The following REDIC1 variants were observed in gnomAD, a reference collection of about 807,000 sequenced individuals.
REDIC1 encodes the protein regulator of DNA class I crossover intermediates 1.
chr12:39,721,093 G>C, the REDIC1 span: 1 of 1,613,742 alleles, frequency 6.2e-7, no homozygotes, highest in East Asian at 2.2e-5. Context: ...AACAGAGAGT[G>C]AATCTGTAAT....
At chr12:39,797,888 G>A in the REDIC1 span, among the ~76,000 whole-genome samples, 10 of 152,038 alleles carry the variant, frequency 6.6e-5, no homozygotes, top group Non-Finnish European at 1.0e-4. Context: ...TCTTCATTAG[G>A]GGCTGTGGGA....
At chr12:39,688,194 T>C in the REDIC1 span, among the ~76,000 whole-genome samples, 1 of 145,334 alleles carries the variant, frequency 6.9e-6, no homozygotes, top group African/African-American at 2.5e-5. Flanking sequence ...CTTTAAGAAG[T>C]CTTCATCTAG....
the REDIC1 span, among the ~76,000 whole-genome samples, chr12:39,699,178 A>G: frequency 6.6e-6 from 1 of 152,208 alleles, no homozygotes; most frequent in African/African-American, 2.4e-5. Flanking sequence ...CTGCATTTCC[A>G]TCTGAGGTAT....
chr12:39,866,016 C>T, the REDIC1 span, among the ~76,000 whole-genome samples: 1 of 152,064 alleles, frequency 6.6e-6, no homozygotes, highest in South Asian at 2.1e-4. Flanking sequence ...ACATGTACCC[C>T]TGAAATTAAA....
the REDIC1 span, among the ~76,000 whole-genome samples, chr12:39,715,992 G>C: frequency 6.6e-6 from 1 of 152,066 alleles, no homozygotes; most frequent in Non-Finnish European, 1.5e-5. Context: ...GTTCAGCTAA[G>C]TTCTCTCTGC....
At chr12:39,713,467 T>G in the REDIC1 span, among the ~76,000 whole-genome samples, 4 of 149,722 alleles carry the variant, frequency 2.7e-5, no homozygotes, top group African/African-American at 9.8e-5. Flanking sequence ...CATTTGTATA[T>G]ATACATGTAT....
At chr12:39,684,436 T>C in the REDIC1 span, 1 of 254,696 alleles carries the variant, frequency 3.9e-6, no homozygotes, top group Non-Finnish European at 6.2e-6. Flanking sequence ...AAAATATTGA[T>C]TGATAAAAAG....
the REDIC1 span, among the ~76,000 whole-genome samples, chr12:39,787,670 T>G: frequency 6.6e-6 from 1 of 152,190 alleles, no homozygotes; most frequent in East Asian, 1.9e-4. Flanking sequence ...CATTATCTTT[T>G]GTAACATTAG....
the REDIC1 span, chr12:39,646,436 C>T: frequency 6.5e-6 from 10 of 1,545,170 alleles, no homozygotes; most frequent in Non-Finnish European, 8.7e-6. Context: ...ACCTTCTAAA[C>T]TCTGCCTTGA....
chr12:39,808,771 G>A, the REDIC1 span, among the ~76,000 whole-genome samples: 1 of 151,920 alleles, frequency 6.6e-6, no homozygotes, highest in Non-Finnish European at 1.5e-5. Context: ...CTTTTGAAAG[G>A]TTGCTTTATT....
the REDIC1 span, among the ~76,000 whole-genome samples, chr12:39,789,635 G>A: frequency 7.9e-5 from 12 of 152,276 alleles, no homozygotes; most frequent in South Asian, 6.2e-4. Flanking sequence ...AAACTGTGTC[G>A]TAAGAAGTTG....
At chr12:39,721,072 G>C in the REDIC1 span, 1 of 1,613,766 alleles carries the variant, frequency 6.2e-7, no homozygotes, top group Non-Finnish European at 8.5e-7. Context: ...AAGGTGTGAT[G>C]CAGGGATACA....
At chr12:39,713,183 C>A in the REDIC1 span, among the ~76,000 whole-genome samples, 1 of 147,696 alleles carries the variant, frequency 6.8e-6, no homozygotes, top group Non-Finnish European at 1.5e-5. Flanking sequence ...GTGCATATAC[C>A]CATGTGTATA....
chr12:39,856,429 C>T, the REDIC1 span, among the ~76,000 whole-genome samples: 1 of 152,114 alleles, frequency 6.6e-6, no homozygotes, highest in African/African-American at 2.4e-5. Flanking sequence ...TGTGCAGTGG[C>T]GTGATCTCGG....
At chr12:39,803,927 A>G in the REDIC1 span, among the ~76,000 whole-genome samples, 1 of 152,170 alleles carries the variant, frequency 6.6e-6, no homozygotes, top group East Asian at 1.9e-4. Flanking sequence ...ACCTCTATCA[A>G]GATACATCAG....
the REDIC1 span, among the ~76,000 whole-genome samples, chr12:39,711,943 A>C: frequency 7.9e-6 from 1 of 126,822 alleles, no homozygotes; most frequent in East Asian, 2.5e-4. Context: ...GTATATAGAC[A>C]TGTATACATA....
the REDIC1 span, chr12:39,830,447 C>A: frequency 4.8e-6 from 6 of 1,259,068 alleles, no homozygotes; most frequent in South Asian, 1.3e-4. Flanking sequence ...CTTTGGAAGT[C>A]ACTTTGAGCT....
chr12:39,681,613 G>C, the REDIC1 span, among the ~76,000 whole-genome samples: 1 of 152,028 alleles, frequency 6.6e-6, no homozygotes, highest in Non-Finnish European at 1.5e-5. Flanking sequence ...TTTTGGTATA[G>C]CAAAATAACA....
the REDIC1 span, among the ~76,000 whole-genome samples, chr12:39,675,875 C>T: frequency 1.1e-4 from 16 of 152,176 alleles, no homozygotes; most frequent in African/African-American, 3.6e-4. Flanking sequence ...GGCTCATGTG[C>T]AGCCCCACCC....
Sources: allele counts gnomAD v4.1 joint callset (sites outside exome capture counted in the v4.1 genomes callset), GRCh38; gene constraint gnomAD v4.1.1; transcripts MANE v1.5; gene names NCBI Gene and HGNC (gene_info 2026-07-23, HGNC 2026-07-21).